Variants in SORCS1 observed in about 807,000 individuals in gnomAD.
SORCS1 encodes the protein sortilin related VPS10 domain containing receptor 1.
In SORCS1, 60 loss-of-function variants were observed where a neutral mutation model predicts 146.1. The observed-to-expected ratio is 0.41, with a 90% CI of 0.33 to 0.51. The LOEUF (loss-of-function observed/expected upper bound fraction) is 0.51. Among genes scored for constraint, SORCS1 ranks in the 20% least tolerant of loss-of-function variants. SORCS1 has a pLI of 0.21. For synonymous variants in SORCS1, 637 were observed against 584.0 expected, an observed-to-expected ratio of 1.09 and a Z score of -1.31; for missense variants, 1,352 against 1,487.6, an observed-to-expected ratio of 0.91 and a Z score of 1.50.
At chr10:106,637,328 A>T (rs1423145263) in intron 18 of SORCS1, among the ~76,000 whole-genome samples, 1 of 152,228 alleles carries the variant, frequency 6.6e-6, no homozygotes, top group Non-Finnish European at 1.5e-5. Context: ...CAGCTAGGAC[A>T]GAGTGTTCCC....
At chr10:106,741,045 C>G (rs548108631) in intron 5 of SORCS1, among the ~76,000 whole-genome samples, 12 of 152,252 alleles carry the variant, frequency 7.9e-5, no homozygotes, top group African/African-American at 2.9e-4. Context: ...GAGTATGAAT[C>G]AAGGAATCCT....
intron 3 of SORCS1, among the ~76,000 whole-genome samples, chr10:106,821,649 T>C (rs940206347): frequency 3.9e-5 from 6 of 152,118 alleles, no homozygotes; most frequent in African/African-American, 1.4e-4. Context: ...AGGCAGGGCA[T>C]GGTGGCTCAT....
chr10:106,818,191 AAGAT>A (rs1404882256), intron 3 of SORCS1, among the ~76,000 whole-genome samples: 1 of 152,198 alleles, frequency 6.6e-6, no homozygotes, highest in Non-Finnish European at 1.5e-5. Flanking sequence ...AGTAGTACTT[AAGAT>A]ACATGCTGAA....
intron 1 of SORCS1, among the ~76,000 whole-genome samples, chr10:106,984,190 A>C (rs1956355442): frequency 6.6e-6 from 1 of 152,164 alleles, no homozygotes; most frequent in South Asian, 2.1e-4. Context: ...TTATCTCAAT[A>C]ATCAGAAAGT....
At chr10:106,779,030 G>A (rs1320240956) in intron 3 of SORCS1, among the ~76,000 whole-genome samples, 4 of 152,070 alleles carry the variant, frequency 2.6e-5, no homozygotes, top group Non-Finnish European at 5.9e-5. Flanking sequence ...GGTAATATTG[G>A]GTGCGAGTGG....
At chr10:107,099,508 AAAATT>A (rs1278560457) in intron 1 of SORCS1, among the ~76,000 whole-genome samples, 2 of 152,236 alleles carry the variant, frequency 1.3e-5, no homozygotes, top group Admixed American at 6.5e-5. Flanking sequence ...AAGTCAAATT[AAAATT>A]AAATTAAATT....
chr10:106,672,024 C>T (rs183948456), intron 15 of SORCS1, among the ~76,000 whole-genome samples: 1 of 152,298 alleles, frequency 6.6e-6, no homozygotes, highest in East Asian at 1.9e-4. Context: ...TAACGCAGGG[C>T]CCACTATCAG....
intron 1 of SORCS1, among the ~76,000 whole-genome samples, chr10:107,118,918 T>A (rs1966215646): frequency 6.6e-6 from 1 of 152,182 alleles, no homozygotes; most frequent in Non-Finnish European, 1.5e-5. Context: ...TCTTTTCCAA[T>A]CTCAAGAACC....
chr10:106,629,537 T>A (rs1848311285), intron 18 of SORCS1, 149 bp from the exon 19 acceptor site: 1 of 706,648 alleles, frequency 1.4e-6, no homozygotes, highest in African/African-American at 1.8e-5. Context: ...TGCCTGCCTT[T>A]GACAGAATCC....
chr10:107,147,457 C>G (rs1183687138), intron 1 of SORCS1, among the ~76,000 whole-genome samples: 1 of 152,134 alleles, frequency 6.6e-6, no homozygotes, highest in African/African-American at 2.4e-5. Flanking sequence ...GCTGTTGCCT[C>G]CAATGCATCT....
chr10:106,647,832 TA>T (rs1045457132), intron 18 of SORCS1, among the ~76,000 whole-genome samples: 1 of 152,174 alleles, frequency 6.6e-6, no homozygotes, highest in African/African-American at 2.4e-5. Context: ...AAAATATAAT[TA>T]CTGATATTTG....
intron 1 of SORCS1, among the ~76,000 whole-genome samples, chr10:107,146,427 A>C (rs971576104): frequency 2.6e-5 from 4 of 152,186 alleles, no homozygotes; most frequent in African/African-American, 7.2e-5. Flanking sequence ...GGTTTTGAAA[A>C]GTCTACTTCC....
At chr10:106,976,337 T>TTTTTTTTTTTTG (rs1956013944) in intron 1 of SORCS1, among the ~76,000 whole-genome samples, 1 of 140,386 alleles carries the variant, frequency 7.1e-6, no homozygotes, top group Non-Finnish European at 1.5e-5. Context: ...TTTTTTGTTT[T>TTTTTTTTTTTTG]TTTTTTTTTT....
At chr10:107,154,334 T>C (rs72814915) in intron 1 of SORCS1, among the ~76,000 whole-genome samples, 9,882 of 152,248 alleles carry the variant, frequency 0.065, 338 homozygotes, top group Non-Finnish European at 0.078. Flanking sequence ...TTGGGATATA[T>C]GAGAGAACAA....
chr10:106,684,897 G>C (rs997991949), intron 10 of SORCS1, among the ~76,000 whole-genome samples: 9 of 152,164 alleles, frequency 5.9e-5, no homozygotes, highest in Non-Finnish European at 1.2e-4. Flanking sequence ...GCCTTTGGCA[G>C]ATTTTTGTAA....
intron 3 of SORCS1, among the ~76,000 whole-genome samples, chr10:106,809,119 CT>C (rs1002215443): frequency 6.6e-6 from 1 of 151,642 alleles, no homozygotes; most frequent in South Asian, 2.1e-4. Context: ...CTAGACAAGG[CT>C]TTTTTCGTTC....
At chr10:106,677,008 T>G (rs1441706679) in intron 13 of SORCS1, among the ~76,000 whole-genome samples, 1 of 152,162 alleles carries the variant, frequency 6.6e-6, no homozygotes, top group Non-Finnish European at 1.5e-5. Flanking sequence ...CCTGTTTCCT[T>G]ACACCTGGTT....
intron 6 of SORCS1, among the ~76,000 whole-genome samples, chr10:106,718,783 G>C (rs531772321): frequency 2.0e-5 from 3 of 152,248 alleles, no homozygotes; most frequent in East Asian, 3.9e-4. Context: ...TAGACACAGA[G>C]TGCTGACTGG....
At chr10:106,869,273 C>G (rs1034626463) in intron 2 of SORCS1, among the ~76,000 whole-genome samples, 1 of 152,188 alleles carries the variant, frequency 6.6e-6, no homozygotes, top group Non-Finnish European at 1.5e-5. Context: ...CAAGTAAGAG[C>G]TGGTACCATT....
Sources: gnomAD v4.1 joint callset for allele counts (sites outside exome capture counted in the v4.1 genomes callset) on GRCh38, gnomAD v4.1.1 for gene constraint, MANE v1.5 for transcripts, NCBI Gene and HGNC (gene_info 2026-07-23, HGNC 2026-07-21) for gene names.